LAMA1: variants seen among roughly 807,000 people sequenced by gnomAD.
LAMA1 encodes the protein laminin subunit alpha 1.
A neutral mutation model predicts 348.7 loss-of-function variants in LAMA1; 219 were observed. The observed-to-expected ratio is 0.63, with a 90% CI of 0.56 to 0.70. LAMA1 has a LOEUF of 0.70. Among genes scored for constraint, LAMA1 ranks in the 30% least tolerant of loss-of-function variants. LAMA1 has a pLI of 0.00. For synonymous variants in LAMA1, 1,487 were observed against 1,491.0 expected (o/e 1.00, Z 0.06); for missense variants, 3,744 against 3,888.0 (o/e 0.96, Z 0.99).
chr18:7,016,404 A>T, intron 21 of LAMA1, 87 bp downstream of exon 21: 2 of 1,483,888 alleles, frequency 1.3e-6, no homozygotes, highest in African/African-American at 1.4e-5. Flanking sequence ...AAAGGCACTT[A>T]ACCAAAATTA....
At chr18:6,992,798 C>T (rs1432383607) in intron 35 of LAMA1, 78 bp from the exon 36 acceptor site, 1 of 1,189,882 alleles carries the variant, frequency 8.4e-7, no homozygotes, top group Non-Finnish European at 1.2e-6. Flanking sequence ...AGAAACTTCT[C>T]TGCTGAGGAC....
chr18:7,046,334 C>T lies in LAMA1; in HGVS notation c.802G>A (p.Gly268Ser). The change falls in exon 6 of 63, where the codon GGC becomes AGC. Residue 268 changes from glycine (G) to serine (S), a missense_variant. Transcript: ENST00000389658. ...YYSIKDISVG[G>S]MCICYGHASS... ...GCATGGCCATAGCAGATACACATGCCTCCAACAGAAATGTCCTTTATTGAA... is the reference window on the plus strand; with the variant it reads ...GCATGGCCATAGCAGATACACATGCTTCCAACAGAAATGTCCTTTATTGAA... 6.2e-7 allele frequency: 1 copy of T among 1,610,556 alleles called. No homozygotes were observed. Among genetic ancestry groups the T allele is most frequent in the South Asian group, 1.1e-5 (1 of 90,596 alleles).
intron 3 of LAMA1, among the ~76,000 whole-genome samples, chr18:7,062,424 G>A (rs549988143): frequency 6.7e-4 from 102 of 152,274 alleles, no homozygotes; most frequent in African/African-American, 2.3e-3. Context: ...GAGCCGGCGG[G>A]CGCCTGGCCA....
rs777728964 is a variant in LAMA1 at position 6,942,112 on chromosome 18, A to T, written c.9195T>A (p.Val3065=). Residue 3065 remains valine (V), a synonymous_variant, in exon 63 of 63, where the codon GTT becomes GTA. Coordinates refer to ENST00000389658, the MANE Select transcript of LAMA1 (RefSeq NM_005559.4). ...CGGTCCCAGGACAGGAATGAAGGAA[A>T]ACTCCGTGCAGTTCGAACGCTCTGC... ...DFSRAFELHG[V]FLHSCPGTES is the part of the protein sequence containing the mutation. 11 of 1,614,058 alleles carry T rather than the reference A, an allele frequency of 6.8e-6. No homozygotes were observed. The highest frequency in any genetic ancestry group is 2.7e-5 in the African/African-American group (2 of 74,936).
intron 3 of LAMA1, among the ~76,000 whole-genome samples, chr18:7,064,515 A>G (rs1389418528): frequency 6.6e-6 from 1 of 152,192 alleles, no homozygotes; most frequent in African/African-American, 2.4e-5. Flanking sequence ...GCATGATGAT[A>G]CTTCACAAAA....
At chr18:6,972,822 C>G (rs1044228368) in intron 47 of LAMA1, among the ~76,000 whole-genome samples, 3 of 152,200 alleles carry the variant, frequency 2.0e-5, no homozygotes, top group African/African-American at 7.2e-5. Flanking sequence ...CCCTGAGTAG[C>G]TGGGATTACA....
At chr18:7,066,095 A>G (rs891927968) in intron 3 of LAMA1, among the ~76,000 whole-genome samples, 1 of 152,206 alleles carries the variant, frequency 6.6e-6, no homozygotes, top group Non-Finnish European at 1.5e-5. Flanking sequence ...TTCCCCTGGA[A>G]AAAGGTAGTG....
chr18:7,085,674 T>C (rs2143792925), intron 1 of LAMA1, among the ~76,000 whole-genome samples: 1 of 152,282 alleles, frequency 6.6e-6, no homozygotes, highest in South Asian at 2.1e-4. Context: ...CGCCTCAGCC[T>C]CCCAAAGTGC....
intron 29 of LAMA1, among the ~76,000 whole-genome samples, chr18:7,003,208 T>G (rs1047626740): frequency 3.3e-5 from 5 of 151,780 alleles, no homozygotes; most frequent in African/African-American, 9.7e-5. Context: ...TATATCATCC[T>G]TTGGACCTAC....
chr18:7,042,278 T>C (rs1430136483), intron 8 of LAMA1, 28 bp from the exon 9 acceptor site: 2 of 1,361,594 alleles, frequency 1.5e-6, no homozygotes, highest in East Asian at 4.7e-5. Context: ...CCCTGGATTC[T>C]CTTACTAGAA....
rs974382680 is a variant in LAMA1 at position 6,958,462 on chromosome 18, A to G, written c.7964+15T>C. The G allele has an allele frequency of 3.7e-6, 6 of 1,613,430 alleles. No individual in the cohort carries two copies. Among genetic ancestry groups the G allele is most frequent in the Non-Finnish European group, 2.5e-6 (3 of 1,179,332 alleles). On this transcript the variant is annotated intron_variant, in intron 55 of 62. Transcript: ENST00000389658. ...TCAGAAAGTGCAAGAACATGCAGAG[A>G]GCAGGTACACTTACTCCAAATTGAA...
chr18:7,099,626 A>G (rs143685950), intron 1 of LAMA1, among the ~76,000 whole-genome samples: 1 of 152,090 alleles, frequency 6.6e-6, no homozygotes, highest in Non-Finnish European at 1.5e-5. Context: ...TTAGGCAAAG[A>G]AATTCTCAAA....
chr18:7,010,440 AT>A, intron 25 of LAMA1, 55 bp from the exon 26 acceptor site: 1 of 1,502,344 alleles, frequency 6.7e-7, no homozygotes, highest in South Asian at 1.1e-5. Context: ...ATTCAAAAAC[AT>A]TTTATTGCAA....
At chr18:7,115,119 G>A (rs1358788922) in intron 1 of LAMA1, among the ~76,000 whole-genome samples, 1 of 152,042 alleles carries the variant, frequency 6.6e-6, no homozygotes, top group Non-Finnish European at 1.5e-5. Flanking sequence ...ATTTTTCATG[G>A]GCCCTTAGAG....
chr18:7,004,452 A>G (rs2057823123), intron 29 of LAMA1, among the ~76,000 whole-genome samples: 1 of 152,180 alleles, frequency 6.6e-6, no homozygotes, highest in African/African-American at 2.4e-5. Context: ...TCCTGGGTTC[A>G]AGTGATTCTT....
chr18:7,039,780 C>T (rs2058012180), intron 10 of LAMA1, among the ~76,000 whole-genome samples: 1 of 152,090 alleles, frequency 6.6e-6, no homozygotes, highest in Non-Finnish European at 1.5e-5. Flanking sequence ...ATGAGGCCCA[C>T]AGAGGAGGTG....
At chr18:7,007,759 AT>A (rs112280497) in intron 28 of LAMA1, among the ~76,000 whole-genome samples, 24,410 of 152,112 alleles carry the variant, frequency 0.16, 2,052 homozygotes, top group Non-Finnish European at 0.19. Flanking sequence ...AGATTAACGA[AT>A]AAGCAAAATG....
chr18:7,089,361 A>T (rs1309700913), intron 1 of LAMA1, among the ~76,000 whole-genome samples: 1 of 152,180 alleles, frequency 6.6e-6, no homozygotes, highest in East Asian at 1.9e-4. Context: ...CCTGGGCAAA[A>T]AAAACAAAAC....
chr18:7,061,356 C>T (rs965868723), intron 3 of LAMA1, among the ~76,000 whole-genome samples: 1 of 152,210 alleles, frequency 6.6e-6, no homozygotes, highest in Admixed American at 6.5e-5. Context: ...CCAGGCATGT[C>T]ACCAAATGCT....
Sources: allele counts gnomAD v4.1 joint callset (sites outside exome capture counted in the v4.1 genomes callset), GRCh38; gene constraint gnomAD v4.1.1; transcripts MANE v1.5; gene names NCBI Gene and HGNC (gene_info 2026-07-23, HGNC 2026-07-21).